The following STN1 variants were observed in gnomAD, a reference collection of about 807,000 sequenced individuals.
The protein encoded by STN1 is STN1 subunit of CST complex.
STN1 carries 29 observed loss-of-function variants against 45.5 expected under a neutral mutation model. The observed-to-expected ratio is 0.64, with a 90% CI of 0.47 to 0.87. The LOEUF is 0.87. STN1 is among the 40% of genes least tolerant of loss of function. The pLI is 0.00. For missense variants in STN1, 376 were observed against 441.4 expected, an observed-to-expected ratio of 0.85 and a Z score of 1.33; for synonymous variants, 148 against 159.0, an observed-to-expected ratio of 0.93 and a Z score of 0.52.
At position 103,879,650 on chromosome 10, in the gene STN1, C is replaced by T. The variant is rs1224118921; in HGVS notation, c.*3034G>A. On this transcript the variant is annotated 3_prime_UTR_variant, in exon 10 of 10. Coordinates refer to ENST00000224950, the MANE Select transcript of STN1 (RefSeq NM_024928.5). ...CCTCTGTGCAGCCTCAGGCTCCTACCTGGGGCAAGACCGAAGGCTGTAGGA... is the reference window on the plus strand; with the variant it reads ...CCTCTGTGCAGCCTCAGGCTCCTACTTGGGGCAAGACCGAAGGCTGTAGGA... 6.6e-6 allele frequency: 1 copy of T among 152,654 alleles called. No individual in the cohort carries two copies. Among genetic ancestry groups the T allele is most frequent in the East Asian group, 1.9e-4 (1 of 5,196 alleles). 9.5% of individuals were successfully genotyped at this position (152,654 alleles called of 1,614,324 possible).
rs1843072785 is a variant in STN1, at chr10:103,882,098, C to T, written c.*586G>A. 6.6e-6 allele frequency among the ~76,000 whole-genome samples: 1 copy of T among 152,194 alleles called. No individual in the cohort carries two copies. Among genetic ancestry groups the T allele is most frequent in the African/African-American group, 2.4e-5 (1 of 41,446 alleles). On this transcript the variant is annotated 3_prime_UTR_variant, in exon 10 of 10. Transcript: ENST00000224950. The stretch of plus-strand genomic sequence containing the variant: ...TCACGCTGTGGATCCCTGTTTATTC[C>T]CATCTCTGGGCAGGCCTGTAAAGAG...
chr10:103,898,790 G>C, intron 6 of STN1, 87 bp downstream of exon 6: 1 of 1,525,856 alleles, frequency 6.6e-7, no homozygotes, highest in Non-Finnish European at 9.0e-7. Context: ...TTCGGGATTT[G>C]AACCTAGGCC....
rs550597329 is a variant in STN1, at chr10:103,879,238, G to A, written c.*3446C>T. 2 of 152,420 alleles carry A rather than the reference G, an allele frequency of 1.3e-5. No homozygotes were observed. The highest frequency in any genetic ancestry group is 4.8e-5 in the African/African-American group (2 of 41,568). The allele number at this position is 152,420 out of a possible 1,614,324, so 9.4% of individuals were successfully genotyped here. ...TGCGTCAGGCACTGTTCTAGGTGCT[G>A]GGGACATGGAAGGAAACAAAACAGA... On this transcript the variant is annotated 3_prime_UTR_variant, in exon 10 of 10. Transcript: ENST00000224950.
chr10:103,885,850 T>C (rs1334909232), intron 9 of STN1, among the ~76,000 whole-genome samples: 1 of 152,230 alleles, frequency 6.6e-6, no homozygotes, highest in East Asian at 1.9e-4. Context: ...CTGGCAGACA[T>C]AGTTATCTTA....
At chr10:103,890,707 C>G (rs1169789043) in intron 8 of STN1, among the ~76,000 whole-genome samples, 1 of 152,190 alleles carries the variant, frequency 6.6e-6, no homozygotes, top group Non-Finnish European at 1.5e-5. Flanking sequence ...GACTGGGATA[C>G]CTGCTTCAAA....
At chr10:103,898,848 G>A (rs777705599) in intron 6 of STN1, 29 bp downstream of exon 6, 11 of 1,612,216 alleles carry the variant, frequency 6.8e-6, no homozygotes, top group Admixed American at 1.7e-5. Flanking sequence ...CCGTGGTCAC[G>A]TGCTCAGCAG....
chr10:103,889,695 C>CTTTTTTTT (rs58738841), intron 8 of STN1, among the ~76,000 whole-genome samples: 1 of 122,096 alleles, frequency 8.2e-6, no homozygotes, highest in African/African-American at 3.4e-5. Flanking sequence ...TTTCTTTTTC[C>CTTTTTTTT]TTTTTTTTTT....
In STN1 at chr10:103,882,228, G is replaced by C. The variant is rs1488388515; in HGVS notation, c.*456C>G. On this transcript the variant is annotated 3_prime_UTR_variant, in exon 10 of 10. Transcript: ENST00000224950. ...CTAAACCGGTTCTTAGCCAGCAAGAGAGGCCCACAGGAAGGTCTCTGATAA... is the reference window on the plus strand; with the variant it reads ...CTAAACCGGTTCTTAGCCAGCAAGACAGGCCCACAGGAAGGTCTCTGATAA... Among the ~76,000 whole-genome samples the C allele has an allele frequency of 6.6e-6, 1 of 152,228 alleles. No homozygotes were observed. Among genetic ancestry groups the C allele is most frequent in the African/African-American group, 2.4e-5 (1 of 41,460 alleles).
Position 103,880,102 on chromosome 10 carries a change from C to T in STN1, c.*2582G>A, listed in dbSNP as rs1392330676. ...ACACTGGTTGAGTTCTTGCCCAGCA[C>T]CAAAGAAGAATGAGAATGTGCTGAC... On this transcript the variant is annotated 3_prime_UTR_variant, in exon 10 of 10. Transcript: ENST00000224950. Among the ~76,000 whole-genome samples, 2 of 152,138 alleles carry T rather than the reference C, an allele frequency of 1.3e-5. No individual in the cohort carries two copies. Among genetic ancestry groups the T allele is most frequent in the Admixed American group, 6.5e-5 (1 of 15,284 alleles).
At chr10:103,916,137 A>G (rs528304728) in intron 2 of STN1, among the ~76,000 whole-genome samples, 1 of 152,322 alleles carries the variant, frequency 6.6e-6, no homozygotes, top group East Asian at 1.9e-4. Flanking sequence ...GTGAGGTTTC[A>G]TTTTTAAAAC....
intron 5 of STN1, among the ~76,000 whole-genome samples, chr10:103,899,469 C>T (rs752335476): frequency 5.3e-5 from 8 of 152,196 alleles, no homozygotes; most frequent in Non-Finnish European, 1.0e-4. Context: ...CTGAGGTGGG[C>T]GGATCTCTTG....
At position 103,882,450 on chromosome 10, in the gene STN1, T is replaced by A; in HGVS notation, c.*234A>T. 1 of 450,180 alleles carries A rather than the reference T, an allele frequency of 2.2e-6. No homozygotes were observed. The highest frequency in any genetic ancestry group is 3.9e-6 in the Non-Finnish European group (1 of 253,792). The allele number at this position is 450,180 out of a possible 1,614,324, so 27.9% of individuals were successfully genotyped here. A position where few individuals can be genotyped will look rare whatever the true frequency, so the allele number is the denominator to read the frequency against. On this transcript the variant is annotated 3_prime_UTR_variant, in exon 10 of 10. Coordinates refer to ENST00000224950, the MANE Select transcript of STN1 (RefSeq NM_024928.5). ...CCAGCCAGGAGCTCAACAGGGAGGG[T>A]TTTCTTGTTGTGTCATGGCTGAGAT... is the stretch of plus-strand genomic sequence containing the variant.
chr10:103,892,283 G>C, intron 7 of STN1, 31 bp from the exon 8 acceptor site: 1 of 1,571,262 alleles, frequency 6.4e-7, no homozygotes, highest in East Asian at 2.2e-5. Flanking sequence ...AAAAAGAAAA[G>C]AAATAAGTCT....
intron 2 of STN1, among the ~76,000 whole-genome samples, chr10:103,911,479 C>T (rs190755117): frequency 1.4e-4 from 22 of 152,266 alleles, no homozygotes; most frequent in African/African-American, 5.1e-4. Context: ...CTCTTCCCCC[C>T]GCCCCCATGA....
Position 103,905,176 on chromosome 10 carries a change from G to C in STN1, c.230-20C>G. ...CATCCACTGCAAGAGAAAAGCAAAA[G>C]GGTATAAGAGAGATTTGGGCAAGGC... On this transcript the variant is annotated intron_variant, in intron 3 of 9. Transcript: ENST00000224950. 1 of 1,610,772 alleles carries C rather than the reference G, an allele frequency of 6.2e-7. No homozygotes were observed. Among genetic ancestry groups the C allele is most frequent in the Non-Finnish European group, 8.5e-7 (1 of 1,176,990 alleles).
At chr10:103,906,965 T>C (rs756956595) in intron 3 of STN1, among the ~76,000 whole-genome samples, 6 of 152,138 alleles carry the variant, frequency 3.9e-5, no homozygotes, top group Non-Finnish European at 5.9e-5. Context: ...AGGCATCGGA[T>C]TGTGAAATGT....
At chr10:103,898,732 A>T in intron 6 of STN1, 145 bp downstream of exon 6, 1 of 767,810 alleles carries the variant, frequency 1.3e-6, no homozygotes, top group South Asian at 1.9e-5. Flanking sequence ...TGAAGCATAG[A>T]GAGGGTTAGA....
intron 4 of STN1, among the ~76,000 whole-genome samples, chr10:103,901,046 A>C (rs1843206986): frequency 6.6e-6 from 1 of 152,202 alleles, no homozygotes; most frequent in South Asian, 2.1e-4. Context: ...AAAGTAGAAC[A>C]GCTAGTTAGA....
intron 2 of STN1, among the ~76,000 whole-genome samples, chr10:103,916,561 G>A (rs1480677878): frequency 6.6e-6 from 1 of 152,202 alleles, no homozygotes; most frequent in African/African-American, 2.4e-5. Context: ...GTGGATGCTT[G>A]AGATTCTTGA....
Sources: gnomAD v4.1 joint callset for allele counts (sites outside exome capture counted in the v4.1 genomes callset) on GRCh38, gnomAD v4.1.1 for gene constraint, MANE v1.5 for transcripts, NCBI Gene and HGNC (gene_info 2026-07-23, HGNC 2026-07-21) for gene names.